Variants in KIAA0825 observed in about 807,000 individuals in gnomAD.
KIAA0825 encodes uncharacterized protein KIAA0825.
KIAA0825 carries 119 observed loss-of-function variants against 147.6 expected under a neutral mutation model. The ratio of observed to expected loss-of-function variants is 0.81; its 90% CI spans 0.69 to 0.94. The LOEUF (loss-of-function observed/expected upper bound fraction) is 0.94. Ranked by LOEUF, KIAA0825 falls within the 40% of genes least tolerant of loss-of-function variation. The pLI is 0.00. For synonymous variants in KIAA0825, 470 were observed against 518.1 expected, an observed-to-expected ratio of 0.91 and a Z score of 1.26; for missense variants, 1,381 against 1,472.7, an observed-to-expected ratio of 0.94 and a Z score of 1.02.
chr5:94,573,828 C>T (rs1251159154), intron 2 of KIAA0825, among the ~76,000 whole-genome samples: 1 of 152,014 alleles, frequency 6.6e-6, no homozygotes, highest in Non-Finnish European at 1.5e-5. Context: ...TCTTTCTTTT[C>T]TTGTAATGTT....
At chr5:94,183,068 C>G (rs1769808707) in intron 20 of KIAA0825, among the ~76,000 whole-genome samples, 1 of 151,930 alleles carries the variant, frequency 6.6e-6, no homozygotes, top group Non-Finnish European at 1.5e-5. Context: ...GATTCAAGGT[C>G]AAACTACCAA....
intron 14 of KIAA0825, among the ~76,000 whole-genome samples, chr5:94,432,721 T>G (rs943922490): frequency 2.0e-5 from 3 of 152,138 alleles, no homozygotes; most frequent in African/African-American, 4.8e-5. Flanking sequence ...AGTTATTAAA[T>G]TGCACTTTGG....
intron 20 of KIAA0825, among the ~76,000 whole-genome samples, chr5:94,230,705 T>A (rs1449912210): frequency 1.3e-5 from 2 of 152,142 alleles, no homozygotes; most frequent in African/African-American, 4.8e-5. Context: ...AAAGATTATT[T>A]AAATAAAGGC....
intron 5 of KIAA0825, among the ~76,000 whole-genome samples, chr5:94,493,318 G>A (rs1048574860): frequency 4.6e-5 from 7 of 152,174 alleles, no homozygotes; most frequent in African/African-American, 1.7e-4. Context: ...TACAATATAG[G>A]CCTTGGGTAA....
chr5:94,205,637 G>A (rs939558812), intron 20 of KIAA0825, among the ~76,000 whole-genome samples: 4 of 152,016 alleles, frequency 2.6e-5, no homozygotes, highest in Admixed American at 2.6e-4. Flanking sequence ...TTCATCTCTT[G>A]CTTGTAATAA....
intron 20 of KIAA0825, among the ~76,000 whole-genome samples, chr5:94,224,747 T>C (rs937984378): frequency 7.9e-5 from 12 of 152,336 alleles, no homozygotes; most frequent in Non-Finnish European, 1.6e-4. Context: ...ACCCTGGATG[T>C]CTGAAGATGT....
chr5:94,489,835 G>A (rs1453252020), intron 5 of KIAA0825, among the ~76,000 whole-genome samples: 10 of 147,468 alleles, frequency 6.8e-5, no homozygotes, highest in African/African-American at 2.5e-4. Flanking sequence ...GCAGTGAGCC[G>A]AGATCATGCC....
chr5:94,473,908 T>C (rs150719856), intron 7 of KIAA0825, among the ~76,000 whole-genome samples: 3 of 152,218 alleles, frequency 2.0e-5, no homozygotes, highest in Non-Finnish European at 2.9e-5. Flanking sequence ...ATTTTTATAG[T>C]CTTTTTTATA....
At chr5:94,526,786 G>A (rs1193322535) in intron 3 of KIAA0825, among the ~76,000 whole-genome samples, 1 of 151,954 alleles carries the variant, frequency 6.6e-6, no homozygotes, top group African/African-American at 2.4e-5. Context: ...AACCCAATGT[G>A]AATAAGACGT....
At chr5:94,214,002 A>G (rs1487183905) in intron 20 of KIAA0825, among the ~76,000 whole-genome samples, 1 of 152,192 alleles carries the variant, frequency 6.6e-6, no homozygotes, top group East Asian at 1.9e-4. Context: ...CCTAGCACAC[A>G]TCACATTCAC....
At chr5:94,585,129 C>A (rs1043177483) in intron 1 of KIAA0825, among the ~76,000 whole-genome samples, 2 of 152,192 alleles carry the variant, frequency 1.3e-5, no homozygotes, top group African/African-American at 2.4e-5. Context: ...GAAACTGCAT[C>A]AATTTATGGG....
intron 20 of KIAA0825, among the ~76,000 whole-genome samples, chr5:94,252,986 G>A (rs1247552836): frequency 6.6e-6 from 1 of 151,976 alleles, no homozygotes. Context: ...TAAAAATGCT[G>A]TAAAAATCAA....
intron 1 of KIAA0825, among the ~76,000 whole-genome samples, chr5:94,610,913 C>T (rs1257987176): frequency 6.6e-6 from 1 of 151,300 alleles, no homozygotes; most frequent in African/African-American, 2.4e-5. Flanking sequence ...AAATGAGTTC[C>T]TATCACTGCT....
chr5:94,403,468 T>C (rs1489159825), intron 16 of KIAA0825, 101 bp downstream of exon 16: 2 of 790,322 alleles, frequency 2.5e-6, no homozygotes, highest in Non-Finnish European at 4.1e-6. Context: ...AAGATTAATA[T>C]AGTTCATCAT....
chr5:94,607,392 G>A (rs1787684223), intron 1 of KIAA0825, among the ~76,000 whole-genome samples: 1 of 152,136 alleles, frequency 6.6e-6, no homozygotes, highest in Non-Finnish European at 1.5e-5. Flanking sequence ...GGAGGCTGAG[G>A]TAGGTGGATC....
intron 1 of KIAA0825, among the ~76,000 whole-genome samples, chr5:94,586,265 A>G (rs1237684842): frequency 6.6e-6 from 1 of 152,218 alleles, no homozygotes; most frequent in Non-Finnish European, 1.5e-5. Context: ...GGTTTTCTAA[A>G]AGATCAACAA....
intron 1 of KIAA0825, among the ~76,000 whole-genome samples, chr5:94,598,070 G>C (rs1785632311): frequency 6.6e-6 from 1 of 151,948 alleles, no homozygotes; most frequent in African/African-American, 2.4e-5. Flanking sequence ...CACTATATTT[G>C]TAAAAAGTAT....
At chr5:94,404,108 C>T (rs1335359743) in intron 15 of KIAA0825, among the ~76,000 whole-genome samples, 3 of 152,130 alleles carry the variant, frequency 2.0e-5, no homozygotes, top group African/African-American at 7.2e-5. Flanking sequence ...AAAGCTTCAA[C>T]ATTTTACTTA....
intron 20 of KIAA0825, among the ~76,000 whole-genome samples, chr5:94,235,310 A>G (rs1302752419): frequency 6.6e-6 from 1 of 152,248 alleles, no homozygotes; most frequent in Admixed American, 6.5e-5. Flanking sequence ...TATTGCTGAT[A>G]TGGAAAAGGT....
Sources: gnomAD v4.1 joint callset for allele counts (sites outside exome capture counted in the v4.1 genomes callset) on GRCh38, gnomAD v4.1.1 for gene constraint, MANE v1.5 for transcripts, NCBI Gene and HGNC (gene_info 2026-07-23, HGNC 2026-07-21) for gene names.